The following CDH13 variants were observed in gnomAD, a reference collection of about 807,000 sequenced individuals.
CDH13 encodes cadherin 13.
CDH13 carries 24 observed loss-of-function variants against 63.8 expected under a neutral mutation model. The observed-to-expected ratio is 0.38, with a 90% CI of 0.27 to 0.53. CDH13 has a LOEUF of 0.53. CDH13 is among the 20% of genes least tolerant of loss of function. The probability of loss-of-function intolerance (pLI) is 0.85; values close to 1 mark genes in which losing one functional copy is unlikely to be tolerated. For synonymous variants in CDH13, 503 were observed against 355.3 expected (o/e 1.42, Z -4.67); for missense variants, 1,049 against 903.1 (o/e 1.16, Z -2.07).
In CDH13 at chr16:83,595,934, C is replaced by T. The variant is rs565355243; in HGVS notation, c.961-6520C>T. On this transcript the variant is annotated intron_variant, in intron 7 of 13. Coordinates refer to ENST00000567109, the MANE Select transcript of CDH13 (RefSeq NM_001257.5). Reference sequence around the variant, plus strand: ...GAATGAGTTACAGAATCAACGAAAGCGTTGAAGTCAGGGGCCATCAAAGCT... The same window carrying T: ...GAATGAGTTACAGAATCAACGAAAGTGTTGAAGTCAGGGGCCATCAAAGCT... 1.4e-4 allele frequency among the ~76,000 whole-genome samples: 21 copies of T among 152,318 alleles called. No individual in the cohort carries two copies. The South Asian group carries it at 3.5e-3, about 26-fold the overall frequency.
At chr16:82,990,026 A>G (rs1483651381) in intron 2 of CDH13, 1 of 151,812 alleles carries the variant, frequency 6.6e-6, no homozygotes, top group Non-Finnish European at 1.5e-5. Context: ...TTGTCAGGCA[A>G]TTCTCTTATT....
chr16:82,784,575 C>T (rs1317933419), intron 1 of CDH13, among the ~76,000 whole-genome samples: 1 of 152,204 alleles, frequency 6.6e-6, no homozygotes, highest in Non-Finnish European at 1.5e-5. Context: ...TCCTTGCCCA[C>T]ACATGGTTAG....
At chr16:83,323,441 C>T (rs552322097) in intron 5 of CDH13, among the ~76,000 whole-genome samples, 7 of 150,728 alleles carry the variant, frequency 4.6e-5, no homozygotes, top group South Asian at 2.1e-4. Context: ...CCACCACATC[C>T]GGCTAATTTT....
intron 10 of CDH13, among the ~76,000 whole-genome samples, chr16:83,688,955 T>C (rs1184617649): frequency 1.3e-5 from 2 of 152,306 alleles, no homozygotes; most frequent in Admixed American, 1.3e-4. Flanking sequence ...TTTATAATGA[T>C]CCAGAGACTG....
intron 6 of CDH13, among the ~76,000 whole-genome samples, chr16:83,406,376 G>A (rs1040593274): frequency 1.3e-5 from 2 of 152,028 alleles, no homozygotes; most frequent in African/African-American, 4.8e-5. Context: ...GGCTCAGCCT[G>A]GAGGAGCCCA....
intron 10 of CDH13, chr16:83,735,751 A>G (rs908352724): frequency 6.6e-6 from 1 of 152,218 alleles, no homozygotes; most frequent in Non-Finnish European, 1.5e-5. Flanking sequence ...TCACTGGGCG[A>G]TAACTCATGA....
intron 5 of CDH13, among the ~76,000 whole-genome samples, chr16:83,274,944 C>G (rs1327939644): frequency 1.3e-5 from 2 of 152,164 alleles, no homozygotes; most frequent in African/African-American, 4.8e-5. Flanking sequence ...TCTCAGTGAG[C>G]CCTCCTCTGC....
intron 2 of CDH13, among the ~76,000 whole-genome samples, chr16:82,867,476 C>T (rs1456553600): frequency 1.3e-5 from 2 of 152,088 alleles, no homozygotes; most frequent in Admixed American, 1.3e-4. Context: ...CCAGATTGTC[C>T]ATGACCCTTA....
intron 4 of CDH13, among the ~76,000 whole-genome samples, chr16:83,188,169 A>T (rs1306780592): frequency 6.6e-6 from 1 of 152,174 alleles, no homozygotes. Flanking sequence ...TGGTGAAGAC[A>T]GATGTGATCT....
intron 1 of CDH13, among the ~76,000 whole-genome samples, chr16:82,792,193 A>G (rs991235166): frequency 6.6e-6 from 1 of 152,138 alleles, no homozygotes; most frequent in African/African-American, 2.4e-5. Flanking sequence ...ATAAGAGATG[A>G]TTCTACCACC....
At chr16:83,759,954 G>T (rs967028720) in intron 11 of CDH13, among the ~76,000 whole-genome samples, 1 of 133,400 alleles carries the variant, frequency 7.5e-6, no homozygotes. Flanking sequence ...AAAAAAAAAA[G>T]AAAGAAATCC....
At chr16:83,146,494 C>G (rs1352378685) in intron 4 of CDH13, among the ~76,000 whole-genome samples, 2 of 151,286 alleles carry the variant, frequency 1.3e-5, no homozygotes, top group African/African-American at 4.9e-5. Flanking sequence ...TCAGGCCATC[C>G]TATCTAAGGC....
chr16:82,770,598 CAG>C (rs2035223036), intron 1 of CDH13, among the ~76,000 whole-genome samples: 1 of 152,180 alleles, frequency 6.6e-6, no homozygotes, highest in Non-Finnish European at 1.5e-5. Flanking sequence ...ATTCCATAGA[CAG>C]ATGTCATTTC....
intron 2 of CDH13, among the ~76,000 whole-genome samples, chr16:82,964,528 T>C (rs1037230869): frequency 3.3e-5 from 5 of 152,212 alleles, no homozygotes; most frequent in Admixed American, 1.3e-4. Context: ...TCTTTATTAA[T>C]AAAGGCCATG....
chr16:83,010,238 GC>G (rs1914008604), intron 2 of CDH13, among the ~76,000 whole-genome samples: 1 of 151,466 alleles, frequency 6.6e-6, no homozygotes, highest in Non-Finnish European at 1.5e-5. Context: ...GCTGATCCTG[GC>G]ACAGCACTTT....
At chr16:83,130,628 G>A (rs571900595) in intron 4 of CDH13, among the ~76,000 whole-genome samples, 1 of 152,264 alleles carries the variant, frequency 6.6e-6, no homozygotes, top group East Asian at 1.9e-4. Context: ...ATTCTTTCGA[G>A]TTTTCTCTGC....
At chr16:83,275,980 A>G (rs1473044919) in intron 5 of CDH13, among the ~76,000 whole-genome samples, 1 of 152,188 alleles carries the variant, frequency 6.6e-6, no homozygotes, top group Non-Finnish European at 1.5e-5. Flanking sequence ...CAGATTAATG[A>G]TGGTCATTTA....
intron 3 of CDH13, among the ~76,000 whole-genome samples, chr16:83,042,519 C>G (rs1382980378): frequency 6.6e-6 from 1 of 152,050 alleles, no homozygotes; most frequent in Non-Finnish European, 1.5e-5. Context: ...GCGTTGTATA[C>G]TTATCTCATT....
At chr16:82,892,286 T>A (rs976885440) in intron 2 of CDH13, among the ~76,000 whole-genome samples, 15 of 152,224 alleles carry the variant, frequency 9.9e-5, no homozygotes, top group African/African-American at 3.6e-4. Context: ...CTTTTGTTAT[T>A]ATTACTTGTT....
Sources: allele counts gnomAD v4.1 joint callset (sites outside exome capture counted in the v4.1 genomes callset), GRCh38; gene constraint gnomAD v4.1.1; transcripts MANE v1.5; gene names NCBI Gene and HGNC (gene_info 2026-07-23, HGNC 2026-07-21).